TBC1D19: variants seen among roughly 807,000 people sequenced by gnomAD.
TBC1D19 encodes the protein TBC1 domain family member 19.
A neutral mutation model predicts 89.0 loss-of-function variants in TBC1D19; 60 were observed. The observed-to-expected ratio is 0.67, with a 90% CI of 0.55 to 0.84. TBC1D19 has a LOEUF of 0.84. Among genes scored for constraint, TBC1D19 ranks in the 40% least tolerant of loss-of-function variants. The pLI, the probability that TBC1D19 is intolerant of heterozygous loss-of-function variation, is 0.00. For missense variants in TBC1D19, 500 were observed against 610.8 expected, an observed-to-expected ratio of 0.82 and a Z score of 1.91; for synonymous variants, 189 against 199.7, an observed-to-expected ratio of 0.95 and a Z score of 0.45.
intron 15 of TBC1D19, among the ~76,000 whole-genome samples, chr4:26,723,267 CT>C (rs201108855): frequency 3.0e-4 from 44 of 148,128 alleles, no homozygotes; most frequent in Middle Eastern, 3.5e-3. Context: ...CTCTCCCCCG[CT>C]TTTTTTTTTA....
At chr4:26,593,126 G>C (rs997935696) in intron 1 of TBC1D19, among the ~76,000 whole-genome samples, 41 of 152,260 alleles carry the variant, frequency 2.7e-4, no homozygotes, top group African/African-American at 9.6e-4. Flanking sequence ...GCATGGTACT[G>C]GTACCAAAAC....
In TBC1D19 at chr4:26,697,817, C is replaced by T. The variant is rs546664342; in HGVS notation, c.954+9410C>T. 7.2e-5 allele frequency among the ~76,000 whole-genome samples: 11 copies of T among 152,324 alleles called. 1 individual carries two copies. In the East Asian group the frequency reaches 2.1e-3, roughly 29 times the overall value. ...CCTTTGACAAAATTCAACAACACTTCATGCTAAAAACTCTCAATAAATTAG... is the reference window on the plus strand; with the variant it reads ...CCTTTGACAAAATTCAACAACACTTTATGCTAAAAACTCTCAATAAATTAG... On this transcript the variant is annotated intron_variant, in intron 13 of 20. Coordinates refer to ENST00000264866, the MANE Select transcript of TBC1D19 (RefSeq NM_018317.4).
the TBC1D19 span, among the ~76,000 whole-genome samples, chr4:26,829,733 C>T: frequency 6.8e-4 from 103 of 152,238 alleles, 3 homozygotes; most frequent in South Asian, 4.4e-3. Flanking sequence ...AAGGTTTGTT[C>T]ATTTGTTTTT....
At chr4:26,851,565 T>C in the TBC1D19 span, among the ~76,000 whole-genome samples, 1 of 152,214 alleles carries the variant, frequency 6.6e-6, no homozygotes, top group African/African-American at 2.4e-5. Context: ...GCAAAGGATG[T>C]AAACTCAAGC....
At chr4:26,681,191 T>C (rs912158984) in intron 11 of TBC1D19, among the ~76,000 whole-genome samples, 15 of 152,022 alleles carry the variant, frequency 9.9e-5, no homozygotes, top group Non-Finnish European at 1.3e-4. Context: ...GGTGGGAATT[T>C]GAATTGATTT....
the TBC1D19 span, among the ~76,000 whole-genome samples, chr4:26,849,852 G>A: frequency 6.6e-6 from 1 of 152,048 alleles, no homozygotes; most frequent in African/African-American, 2.4e-5. Flanking sequence ...TGCAACATTT[G>A]GTTGGCTCTA....
At chr4:26,753,798 A>C in intron 19 of TBC1D19, 22 bp from the exon 20 acceptor site, 1 of 1,613,614 alleles carries the variant, frequency 6.2e-7, no homozygotes. Flanking sequence ...CAGCAGTTGA[A>C]GTAGTGTGCA....
intron 1 of TBC1D19, among the ~76,000 whole-genome samples, chr4:26,604,597 A>G (rs966575067): frequency 6.7e-6 from 1 of 149,278 alleles, no homozygotes; most frequent in African/African-American, 2.5e-5. Context: ...TGGGCCGGGC[A>G]TGGTGGCTCA....
At chr4:26,830,835 G>A in the TBC1D19 span, among the ~76,000 whole-genome samples, 1 of 152,206 alleles carries the variant, frequency 6.6e-6, no homozygotes, top group Non-Finnish European at 1.5e-5. Flanking sequence ...CTTCAGTAAA[G>A]GAGTAATTTG....
chr4:26,736,387 A>C (rs932457844), intron 16 of TBC1D19, among the ~76,000 whole-genome samples: 4 of 132,858 alleles, frequency 3.0e-5, no homozygotes, highest in African/African-American at 8.7e-5. Flanking sequence ...CACTCTGGGG[A>C]CTGTTGTGGG....
At chr4:26,689,845 G>A (rs1367597874) in intron 13 of TBC1D19, among the ~76,000 whole-genome samples, 20 of 152,060 alleles carry the variant, frequency 1.3e-4, no homozygotes, top group Admixed American at 1.3e-3. Flanking sequence ...TAATAACCCT[G>A]TGGTGGCCTT....
At chr4:26,653,109 CT>C (rs780031776) in intron 7 of TBC1D19, among the ~76,000 whole-genome samples, 1 of 152,050 alleles carries the variant, frequency 6.6e-6, no homozygotes, top group Non-Finnish European at 1.5e-5. Flanking sequence ...TTATTTCTGC[CT>C]TCATTTCGTT....
intron 1 of TBC1D19, among the ~76,000 whole-genome samples, chr4:26,588,489 G>T (rs909142432): frequency 8.6e-5 from 13 of 151,446 alleles, no homozygotes; most frequent in Non-Finnish European, 1.5e-4. Context: ...CATTTTTAAA[G>T]CTATTTAGGT....
chr4:26,693,801 C>A (rs187441702), intron 13 of TBC1D19, among the ~76,000 whole-genome samples: 2 of 151,902 alleles, frequency 1.3e-5, no homozygotes, highest in African/African-American at 2.4e-5. Context: ...GAAATTCTGG[C>A]GTTGAAAAGT....
At chr4:26,795,769 T>C in the TBC1D19 span, among the ~76,000 whole-genome samples, 2 of 152,342 alleles carry the variant, frequency 1.3e-5, no homozygotes, top group South Asian at 2.1e-4. Context: ...TTGGAAGTTA[T>C]GTGGAAAAGT....
At chr4:26,708,733 A>G (rs1715929007) in intron 13 of TBC1D19, among the ~76,000 whole-genome samples, 4 of 151,856 alleles carry the variant, frequency 2.6e-5, no homozygotes, top group South Asian at 2.1e-4. Context: ...TCTTTCTTCT[A>G]CCTGCTCAAA....
intron 18 of TBC1D19, 83 bp downstream of exon 18, chr4:26,742,682 C>T (rs994885656): frequency 2.3e-5 from 22 of 975,132 alleles, no homozygotes; most frequent in Admixed American, 9.7e-5. Context: ...CTTGCAAATA[C>T]GTAATTTTTC....
At chr4:26,759,812 T>C (rs75961393), downstream of TBC1D19, among the ~76,000 whole-genome samples, 1,714 of 152,366 alleles carry the variant, frequency 0.011, 33 homozygotes, top group African/African-American at 0.04. Flanking sequence ...TACTACTGCC[T>C]AGGATTTCAT....
chr4:26,577,684 G>A (rs569621559), intron 1 of TBC1D19, among the ~76,000 whole-genome samples: 10 of 152,260 alleles, frequency 6.6e-5, no homozygotes, highest in African/African-American at 2.4e-4. Flanking sequence ...GGGAAGGGAA[G>A]GAAGACACAA....
Sources: gnomAD v4.1 joint callset for allele counts (sites outside exome capture counted in the v4.1 genomes callset) on GRCh38, gnomAD v4.1.1 for gene constraint, MANE v1.5 for transcripts, NCBI Gene and HGNC (gene_info 2026-07-23, HGNC 2026-07-21) for gene names.